Variants in PDPK1 observed in about 807,000 individuals in gnomAD.
The protein encoded by PDPK1 is 3-phosphoinositide dependent protein kinase 1.
A neutral mutation model predicts 39.8 loss-of-function variants in PDPK1; 7 were observed. The observed-to-expected ratio is 0.18, with a 90% confidence interval of 0.10 to 0.33. PDPK1 has a LOEUF of 0.33. Ranked by LOEUF, PDPK1 falls within the 10% of genes least tolerant of loss-of-function variation. The pLI is 1.00. For synonymous variants in PDPK1, 118 were observed against 159.1 expected (o/e 0.74, Z 1.95); for missense variants, 182 against 384.7 (o/e 0.47, Z 4.41).
chr16:2,538,876 GT>G, intron 1 of PDPK1: 1 of 745,608 alleles, frequency 1.3e-6, no homozygotes, highest in East Asian at 6.5e-5. Context: ...ATCGCTAAAA[GT>G]ATCCCTCGTG....
At chr16:2,573,811 T>TTTTTTTTTG (rs2066679245) in intron 6 of PDPK1, among the ~76,000 whole-genome samples, 1 of 115,648 alleles carries the variant, frequency 8.6e-6, no homozygotes, top group Non-Finnish European at 1.7e-5. Context: ...TTTTTTTTTT[T>TTTTTTTTTG]GAGACGGAAT....
Position 2,597,118 on chromosome 16 carries a change from G to C in PDPK1, c.1402-5G>C, listed in dbSNP as rs567746314. 4 of 1,552,420 alleles carry C rather than the reference G, an allele frequency of 2.6e-6. No individual in the cohort carries two copies. The highest frequency in any genetic ancestry group is 1.7e-4 in the Middle Eastern group (1 of 5,802). ...GAGGCCTGTTGTTTTGTGTTTTGGC[G>C]TCAGGGTTTATTTGCAAGACGACGA... On this transcript the variant is annotated splice_polypyrimidine_tract_variant and splice_region_variant and intron_variant, in intron 12 of 13. Transcript: ENST00000342085. The surrounding 1 kb of genome is among the most constrained non-coding windows in gnomAD (Gnocchi z 6.3).
chr16:2,588,797 C>G (rs913507175), intron 11 of PDPK1, among the ~76,000 whole-genome samples: 3 of 152,174 alleles, frequency 2.0e-5, no homozygotes, highest in Non-Finnish European at 4.4e-5. Flanking sequence ...CCACCAAATC[C>G]CCGAGGTCAG....
At chr16:2,539,076 G>A (rs539891969) in intron 1 of PDPK1, 7 of 183,780 alleles carry the variant, frequency 3.8e-5, no homozygotes, top group South Asian at 3.5e-4. Flanking sequence ...TCCAGGATGC[G>A]GCTTTTTTTT....
intron 1 of PDPK1, among the ~76,000 whole-genome samples, chr16:2,544,044 A>C (rs111304739): frequency 6.6e-6 from 1 of 151,942 alleles, no homozygotes; most frequent in Admixed American, 6.6e-5. Flanking sequence ...CTGCTTTACT[A>C]TATTCTTTAG....
At chr16:2,586,612 C>A in intron 10 of PDPK1, 64 bp from the exon 11 acceptor site, 1 of 1,427,546 alleles carries the variant, frequency 7.0e-7, no homozygotes, top group Non-Finnish European at 9.8e-7. Context: ...GCGGGAGGGG[C>A]TGGGGTTTTA....
Position 2,585,163 on chromosome 16 carries a change from A to G in PDPK1, c.1126-1513A>G, listed in dbSNP as rs375570489. ...GGGTGTGTGTGCTTGCACTTGCCGC[A>G]TACCTGTGCAGGCCCCTGTGCCTGG... On this transcript the variant is annotated intron_variant, in intron 10 of 13. Transcript: ENST00000342085. Among the ~76,000 whole-genome samples the G allele has an allele frequency of 3.9e-5, 6 of 152,254 alleles. No homozygotes were observed. In the South Asian group the frequency reaches 8.3e-4, roughly 21 times the overall value.
Position 2,601,311 on chromosome 16 carries a change from G to A in PDPK1, c.*3544G>A, listed in dbSNP as rs1244926376. On this transcript the variant is annotated 3_prime_UTR_variant, in exon 14 of 14. Coordinates refer to ENST00000342085, the MANE Select transcript of PDPK1 (RefSeq NM_002613.5). ...TTCCAAAGAATGTCTGAATAAGACC[G>A]CTCTTTATTTAAATGCTAAGAGGAT... The A allele has an allele frequency of 4.7e-5, 11 of 234,274 alleles. No individual in the cohort carries two copies. Among genetic ancestry groups the A allele is most frequent in the South Asian group, 1.8e-4 (1 of 5,496 alleles). The allele number at this position is 234,274 out of a possible 1,614,324, so 14.5% of individuals were successfully genotyped here.
Position 2,597,941 on chromosome 16 carries a change from C to T in PDPK1, c.*174C>T. The T allele has an allele frequency of 1.7e-6, 1 of 591,078 alleles. No individual in the cohort carries two copies. The highest frequency in any genetic ancestry group is 2.1e-5 in the South Asian group (1 of 47,338). 36.6% of individuals were successfully genotyped at this position (591,078 alleles called of 1,614,324 possible). ...AGAAGAAAAAAAACACCCAACCACA[C>T]AAAGAACAAAACCAGTAACAAACAC... On this transcript the variant is annotated 3_prime_UTR_variant, in exon 14 of 14. Coordinates refer to ENST00000342085, the MANE Select transcript of PDPK1 (RefSeq NM_002613.5). The surrounding 1 kb of genome is among the most constrained non-coding windows in gnomAD (Gnocchi z 6.3).
intron 1 of PDPK1, among the ~76,000 whole-genome samples, chr16:2,539,842 C>T (rs368317195): frequency 3.3e-5 from 5 of 152,274 alleles, no homozygotes; most frequent in South Asian, 2.1e-4. Context: ...GTGTCATCCA[C>T]GGGAAGAGGA....
rs1009681908 is a variant in PDPK1, at chr16:2,599,520, C to T, written c.*1753C>T. 1.2e-4 allele frequency: 29 copies of T among 232,808 alleles called. No individual in the cohort carries two copies. The highest frequency in any genetic ancestry group is 5.6e-5 in the Admixed American group (1 of 17,760). 14.4% of individuals were successfully genotyped at this position (232,808 alleles called of 1,614,324 possible). On this transcript the variant is annotated 3_prime_UTR_variant, in exon 14 of 14. Coordinates refer to ENST00000342085, the MANE Select transcript of PDPK1 (RefSeq NM_002613.5). Reference sequence around the variant, plus strand: ...TGAGAGCTGCATGTGAGCCTGTGACCGTGAGCTGGGGTGAGCTGGGCCGCA... The same window carrying T: ...TGAGAGCTGCATGTGAGCCTGTGACTGTGAGCTGGGGTGAGCTGGGCCGCA...
intron 1 of PDPK1, among the ~76,000 whole-genome samples, chr16:2,542,527 C>T (rs1466016374): frequency 4.6e-5 from 7 of 152,076 alleles, no homozygotes. Context: ...ACTGTAGAGC[C>T]TGTGTATGAA....
intron 1 of PDPK1, among the ~76,000 whole-genome samples, chr16:2,542,246 G>A (rs1451600195): frequency 2.0e-5 from 3 of 152,178 alleles, no homozygotes; most frequent in East Asian, 1.9e-4. Flanking sequence ...TGCAACCTCC[G>A]CCTCATGGGT....
Position 2,601,989 on chromosome 16 carries a change from A to G in PDPK1, c.*4222A>G, listed in dbSNP as rs1431448017. On this transcript the variant is annotated 3_prime_UTR_variant, in exon 14 of 14. Coordinates refer to ENST00000342085, the MANE Select transcript of PDPK1 (RefSeq NM_002613.5). ...GTGCTGCTTCACTCTACCAGAGATT[A>G]TGGCCAAATTGCACGGAATTTGGTT... The G allele has an allele frequency of 4.3e-6, 1 of 233,284 alleles. No individual in the cohort carries two copies. Among genetic ancestry groups the G allele is most frequent in the Admixed American group, 5.6e-5 (1 of 17,710 alleles). The allele number at this position is 233,284 out of a possible 1,614,324, so 14.5% of individuals were successfully genotyped here. A position where few individuals can be genotyped will look rare whatever the true frequency, so the allele number is the denominator to read the frequency against.
chr16:2,539,658 G>C (rs967795983), intron 1 of PDPK1: 3 of 152,184 alleles, frequency 2.0e-5, no homozygotes, highest in African/African-American at 7.2e-5. Flanking sequence ...ACACCAGAGT[G>C]GCCCGGGTAA....
chr16:2,586,591 A>G (rs1009005203), intron 10 of PDPK1, 85 bp from the exon 11 acceptor site: 19 of 1,199,220 alleles, frequency 1.6e-5, no homozygotes, highest in Admixed American at 8.8e-5. Flanking sequence ...CCAAGGCCTG[A>G]CAGCGGCAGT....
At chr16:2,588,024 A>G (rs74327363) in intron 11 of PDPK1, among the ~76,000 whole-genome samples, 2,306 of 152,252 alleles carry the variant, frequency 0.015, 63 homozygotes, top group African/African-American at 0.052. Flanking sequence ...TGGAAGCACA[A>G]GACGAGGGGG....
rs1405654646 is a variant in PDPK1 at position 2,538,143 on chromosome 16, G to T, written c.24+7G>T. On this transcript the variant is annotated splice_region_variant and intron_variant, in intron 1 of 13. Transcript: ENST00000342085. ...CAGGACCACCAGCCAGCTGGTGAGC[G>T]CGCGGCGGCGGACTGGACGCGCCGG... is the stretch of plus-strand genomic sequence containing the variant. The T allele has an allele frequency of 1.9e-6, 2 of 1,061,718 alleles. No homozygotes were observed. Among genetic ancestry groups the T allele is most frequent in the Non-Finnish European group, 2.3e-6 (2 of 878,862 alleles). The allele number at this position is 1,061,718 out of a possible 1,614,324, so 65.8% of individuals were successfully genotyped here.
At chr16:2,586,216 C>CCACAGA (rs2066871735) in intron 10 of PDPK1, among the ~76,000 whole-genome samples, 1 of 152,224 alleles carries the variant, frequency 6.6e-6, no homozygotes, top group African/African-American at 2.4e-5. Flanking sequence ...TTAGCATCTA[C>CCACAGA]CACAGACTCA....
Sources: gnomAD v4.1 joint callset for allele counts (sites outside exome capture counted in the v4.1 genomes callset) on GRCh38, gnomAD v4.1.1 for gene constraint, Gnocchi (gnomAD v3.1) non-coding constraint, MANE v1.5 for transcripts, NCBI Gene and HGNC (gene_info 2026-07-23, HGNC 2026-07-21) for gene names.